The following OPLAH variants were observed in gnomAD, a reference collection of about 807,000 sequenced individuals.
OPLAH encodes 5-oxoprolinase, ATP-hydrolysing, also known as 5-oxoprolinase.
OPLAH carries 103 observed loss-of-function variants against 122.8 expected under a neutral mutation model. The ratio of observed to expected loss-of-function variants is 0.84; its 90% confidence interval spans 0.71 to 0.99. The LOEUF (loss-of-function observed/expected upper bound fraction) is 0.99, where lower values mean the gene tolerates loss of function less well. OPLAH is among the 50% of genes least tolerant of loss of function. The pLI is 0.00. For synonymous variants in OPLAH, 875 were observed against 796.0 expected (o/e 1.10, Z -1.67); for missense variants, 1,902 against 1,836.5 (o/e 1.04, Z -0.65).
rs782761573 is a variant in OPLAH at position 144,059,751 on chromosome 8, A to G, written c.211T>C (p.Ser71Pro). The G allele has an allele frequency of 1.9e-6, 3 of 1,610,008 alleles. No individual in the cohort carries two copies. Among genetic ancestry groups the G allele is most frequent in the Admixed American group, 1.7e-5 (1 of 59,976 alleles). ...ATGCGGATGCTGGCGATATGACTGG[A>G]GTCCAGCGGCTGGTCCCGGGGCAGG... ...MLLPRDQPLD[S>P]SHIASIRMGT... Residue 71 changes from serine to proline, a missense_variant, in exon 3 of 27, where the codon TCC becomes CCC. Around this residue, in one of 3 missense-constraint regions of OPLAH, gnomAD observed 168 missense variants for 170.6 expected, o/e 0.98. Transcript: ENST00000618853.
chr8:144,059,631 C>T lies in OPLAH; in HGVS notation c.331G>A (p.Gly111Ser), dbSNP rs1835617827. The T allele has an allele frequency of 6.2e-7, 1 of 1,611,900 alleles. No individual in the cohort carries two copies. Among genetic ancestry groups the T allele is most frequent in the East Asian group, 2.2e-5 (1 of 44,866 alleles). Residue 111 changes from glycine to serine, a missense_variant, in exon 3 of 27, where the codon GGC (glycine) becomes AGC (serine). Gly to Ser is a moderately conservative substitution (Grantham distance 56, BLOSUM62 0). This residue lies in a region of OPLAH where 168 missense variants were observed against 170.6 expected (regional missense o/e 0.98). Coordinates refer to ENST00000618853, the MANE Select transcript of OPLAH (RefSeq NM_017570.5). ...AAGAGGTCCCCACGGGCTTGGGTGC[C>T]AATGTGCAGCAGGTCTCGGAAGCCA... ...TRGFRDLLHI[G>S]TQARGDLFDL... is the part of the protein sequence containing the mutation.
chr8:144,052,586 G>C lies in OPLAH; in HGVS notation c.3166C>G (p.Pro1056Ala). 1 of 1,595,810 alleles carries C rather than the reference G, an allele frequency of 6.3e-7. No homozygotes were observed. Among genetic ancestry groups the C allele is most frequent in the South Asian group, 1.1e-5 (1 of 90,086 alleles). ...DIPLNQGCLA[P>A]VRVVIPRGSI... ...CCTCGGGGAATGACCACGCGCACTG[G>C]CGCCAGGCAGCCCTGTGCGGGGCGG... The change falls in exon 23 of 27, where the codon CCA becomes GCA. Residue 1056 changes from proline to alanine, a missense_variant. By Grantham distance (27) the Pro-to-Ala change is conservative. Transcript: ENST00000618853.
At chr8:144,059,480 CTT>C in intron 3 of OPLAH, 117 bp downstream of exon 3, 1 of 1,108,730 alleles carries the variant, frequency 9.0e-7, no homozygotes, top group Non-Finnish European at 1.3e-6. Context: ...GGAGCTTCCT[CTT>C]TGTCGGCTGG....
At chr8:144,062,485 C>T (rs901725196), upstream of OPLAH, among the ~76,000 whole-genome samples, 5 of 152,232 alleles carry the variant, frequency 3.3e-5, no homozygotes, top group East Asian at 7.7e-4. Context: ...GGAAGCAGCT[C>T]TGGTCAGCAA....
intron 5 of OPLAH, 26 bp from the exon 6 acceptor site, chr8:144,058,717 C>T (rs782047714): frequency 2.4e-5 from 38 of 1,580,408 alleles, no homozygotes; most frequent in Non-Finnish European, 2.8e-5. Flanking sequence ...AGTGGCACCT[C>T]GTCTCCCACC....
chr8:144,053,565 C>G (rs1227444201), intron 19 of OPLAH, among the ~76,000 whole-genome samples, 172 bp from the exon 20 acceptor site: 2 of 152,144 alleles, frequency 1.3e-5, no homozygotes, highest in Non-Finnish European at 2.9e-5. Context: ...AGGGTCCCCT[C>G]TGAGGCAGCC....
upstream of OPLAH, among the ~76,000 whole-genome samples, chr8:144,062,938 G>C (rs1354971616): frequency 6.6e-6 from 1 of 150,644 alleles, no homozygotes; most frequent in Non-Finnish European, 1.5e-5. Flanking sequence ...TCCACTGCGC[G>C]TCTCGGGGGC....
Position 144,057,995 on chromosome 8 carries a change from A to G in OPLAH, c.1088+15T>C. Reference sequence around the variant, plus strand: ...ACAGGGCTGGGGTCCCAGCCTGGGAAGCAGGAGAGCTGACCTGAAGAAGAG... The same window carrying G: ...ACAGGGCTGGGGTCCCAGCCTGGGAGGCAGGAGAGCTGACCTGAAGAAGAG... On this transcript the variant is annotated intron_variant, in intron 8 of 26. Transcript: ENST00000618853. The G allele has an allele frequency of 6.2e-7, 1 of 1,612,176 alleles. No individual in the cohort carries two copies. Among genetic ancestry groups the G allele is most frequent in the Non-Finnish European group, 8.5e-7 (1 of 1,179,596 alleles).
chr8:144,058,320 G>C lies in OPLAH; in HGVS notation c.868C>G (p.Pro290Ala), dbSNP rs1554759937. 1.4e-5 allele frequency: 23 copies of C among 1,602,948 alleles called. No individual in the cohort carries two copies. Among genetic ancestry groups the C allele is most frequent in the Non-Finnish European group, 2.0e-5 (23 of 1,176,838 alleles). ...GAGTAGCCCACCACGCCGCCGGCCG[G>C]GCCCGAGAGCACAGCACTGGAGCCG... ...FSGSSAVLSG[P>A]AGGVVGYSAT... The change falls in exon 7 of 27, where the codon CCG becomes GCG. Residue 290 changes from proline (P) to alanine (A), a missense_variant. Coordinates refer to ENST00000618853, the MANE Select transcript of OPLAH (RefSeq NM_017570.5).
downstream of OPLAH, chr8:144,051,081 T>C (rs1364220886): frequency 1.4e-5 from 19 of 1,355,778 alleles, no homozygotes; most frequent in Non-Finnish European, 1.8e-5. Flanking sequence ...CCTGCGGCAC[T>C]GGGACGACCC....
intron 1 of OPLAH, 48 bp from the exon 2 acceptor site, chr8:144,060,133 A>T: frequency 1.5e-6 from 2 of 1,336,490 alleles, no homozygotes; most frequent in Non-Finnish European, 2.0e-6. Context: ...GTGGGACTAG[A>T]GGCTCCCCAG....
At chr8:144,052,365 G>C in intron 23 of OPLAH, 39 bp from the exon 24 acceptor site, 1 of 1,510,830 alleles carries the variant, frequency 6.6e-7, no homozygotes, top group South Asian at 1.2e-5. Context: ...GGCTGGGGCA[G>C]GGCGTCCCCA....
Position 144,056,718 on chromosome 8 carries a change from A to G in OPLAH, c.1744T>C (p.Tyr582His), listed in dbSNP as rs1554759267. The change falls in exon 13 of 27, where the codon TAC becomes CAC. Residue 582 changes from tyrosine to histidine, a missense_variant. Tyr to His is a moderately conservative substitution (Grantham distance 83). This residue lies in a region of OPLAH where 1,726 missense variants were observed against 1,642.1 expected (regional missense o/e 1.05). Transcript: ENST00000618853. ...ATCAGAGCACAGTCCGTGCCCTGGT[A>G]GCGCAGGTGCAGGAAGCTCTCAGTG... Reference protein sequence around the residue: ...ISTESFLHLRYQGTDCALMVS... With the variant: ...ISTESFLHLRHQGTDCALMVS... The G allele has an allele frequency of 6.2e-7, 1 of 1,611,144 alleles. No individual in the cohort carries two copies.
At chr8:144,054,467 T>C in intron 19 of OPLAH, 94 bp downstream of exon 19, 2 of 1,334,224 alleles carry the variant, frequency 1.5e-6, no homozygotes, top group Admixed American at 2.5e-5. Context: ...CCTGGGCCTA[T>C]GGGCTGCATC....
chr8:144,057,325 G>A lies in OPLAH; in HGVS notation c.1423-5C>T, dbSNP rs782251224. On this transcript the variant is annotated splice_region_variant and splice_polypyrimidine_tract_variant and intron_variant, in intron 10 of 26. Coordinates refer to ENST00000618853, the MANE Select transcript of OPLAH (RefSeq NM_017570.5). ...TGAGGGGTCATGGCCTCTTGCCTAG[G>A]GAGACAGAAGGGGTCAGTGGGCTCT... 68 of 1,609,440 alleles carry A rather than the reference G, an allele frequency of 4.2e-5. No individual in the cohort carries two copies. The highest frequency in any genetic ancestry group is 1.2e-4 in the Admixed American group (7 of 59,638).
In OPLAH at chr8:144,058,129, G is replaced by A. The variant is rs398122906; in HGVS notation, c.969C>T (p.Ser323=). The A allele has an allele frequency of 6.2e-7, 1 of 1,612,380 alleles. No individual in the cohort carries two copies. Among genetic ancestry groups the A allele is most frequent in the Admixed American group, 1.7e-5 (1 of 60,002 alleles). The change falls in exon 8 of 27, where the codon AGC becomes AGT. Residue 323 remains serine, a synonymous_variant. Coordinates refer to ENST00000618853, the MANE Select transcript of OPLAH (RefSeq NM_017570.5). ...CGTGCTCGAATTCCCCAGCATAGCG[G>A]CTCACATCCGTGGACGTGCCTGGCA... ...FDMGGTSTDV[S]RYAGEFEHVF...
rs1554760041 is a variant in OPLAH, at chr8:144,058,557, AGGTAGGCGTCGGCACAGGCCGTGTGC to A, written c.696_721del (p.Thr234AlafsTer72). The A allele has an allele frequency of 6.2e-7, 1 of 1,600,596 alleles. No individual in the cohort carries two copies. Among genetic ancestry groups the A allele is most frequent in the Non-Finnish European group, 8.5e-7 (1 of 1,178,624 alleles). The stretch of plus-strand genomic sequence containing the variant: ...CACGTAGCGCTGGATGGCGGGCGTG[AGGTAGGCGTCGGCACAGGCCGTGTGC>A]CCCCGAGGGACGATGCGCACCATGG... On this transcript the variant is annotated frameshift_variant, in exon 6 of 27. Transcript: ENST00000618853. LOFTEE classifies it high-confidence loss of function.
rs782075372 is a variant in OPLAH, at chr8:144,054,579, C to T, written c.2668G>A (p.Gly890Ser). The T allele has an allele frequency of 1.9e-6, 3 of 1,592,582 alleles. No individual in the cohort carries two copies. The South Asian group carries it at 3.3e-5, about 18-fold the overall frequency. ...CACTCACCCTCCTCCTGGAAGACGCCCCCCTGGACAAGTTTGAAGGACAGA... is the reference window on the plus strand; with the variant it reads ...CACTCACCCTCCTCCTGGAAGACGCTCCCCTGGACAAGTTTGAAGGACAGA... ...VFLSFKLVQG[G>S]VFQEEAVTEA... The change falls in exon 19 of 27, where the codon GGC becomes AGC. Residue 890 changes from glycine to serine, a missense_variant. Transcript: ENST00000618853.
intron 9 of OPLAH, 29 bp downstream of exon 9, chr8:144,057,827 G>A (rs781847951): frequency 1.2e-5 from 19 of 1,606,104 alleles, no homozygotes; most frequent in Middle Eastern, 1.6e-4. Context: ...CGGAGGGCAA[G>A]GCCAGGCCGG....
Sources: allele counts gnomAD v4.1 joint callset (sites outside exome capture counted in the v4.1 genomes callset), GRCh38; gene constraint gnomAD v4.1.1; regional missense constraint gnomAD v4.1.1; transcripts MANE v1.5; gene names NCBI Gene and HGNC (gene_info 2026-07-23, HGNC 2026-07-21).